Variants in VIT observed in about 807,000 individuals in gnomAD.
The protein encoded by VIT is vitrin.
A neutral mutation model predicts 78.0 loss-of-function variants in VIT; 99 were observed. The observed-to-expected ratio is 1.27, with a 90% CI of 1.08 to 1.50. The LOEUF (loss-of-function observed/expected upper bound fraction) is 1.50. Ranked by LOEUF, VIT falls within the 40% of genes most tolerant of loss-of-function variation. The probability of loss-of-function intolerance (pLI) is 0.00; values close to 1 mark genes in which losing one functional copy is unlikely to be tolerated. For synonymous variants in VIT, 374 were observed against 334.3 expected, an observed-to-expected ratio of 1.12 and a Z score of -1.29; for missense variants, 1,126 against 875.3, an observed-to-expected ratio of 1.29 and a Z score of -3.61.
chr2:36,805,330 A>AATT, intron 13 of VIT, 108 bp from the exon 14 acceptor site: 9 of 817,108 alleles, frequency 1.1e-5, no homozygotes, highest in Non-Finnish European at 1.4e-5. Context: ...AAAAAAAACT[A>AATT]GGGAGGGAAT....
chr2:36,801,634 C>G (rs559852329), intron 13 of VIT, among the ~76,000 whole-genome samples: 42 of 152,156 alleles, frequency 2.8e-4, no homozygotes, highest in African/African-American at 9.4e-4. Context: ...ATGGTTAAAC[C>G]CTCTTTCTAC....
At chr2:36,799,115 C>T (rs902888992) in intron 12 of VIT, among the ~76,000 whole-genome samples, 2 of 152,158 alleles carry the variant, frequency 1.3e-5, no homozygotes, top group Admixed American at 6.5e-5. Context: ...TGAAGGTGTC[C>T]ACTCTTTCTG....
At chr2:36,799,373 G>A (rs1459359440) in intron 12 of VIT, among the ~76,000 whole-genome samples, 3 of 152,094 alleles carry the variant, frequency 2.0e-5, no homozygotes, top group South Asian at 2.1e-4. Context: ...GCCCACAACC[G>A]CTTCTTCCTG....
intron 12 of VIT, among the ~76,000 whole-genome samples, chr2:36,798,266 C>G (rs1666051878): frequency 6.6e-6 from 1 of 152,160 alleles, no homozygotes; most frequent in African/African-American, 2.4e-5. Context: ...ACAACTAACA[C>G]TACAGAGACC....
rs1396785532 is a variant in VIT, at chr2:36,777,850, C to T, written c.802+2783C>T. Among the ~76,000 whole-genome samples, 3 of 152,204 alleles carry T rather than the reference C, an allele frequency of 2.0e-5. No individual in the cohort carries two copies. The East Asian group carries it at 5.8e-4, about 29-fold the overall frequency. ...AAATGGATAAACGTGCCACCTGTCTCCATTCCCTTTACTGATAAAAATATA... is the reference window on the plus strand; with the variant it reads ...AAATGGATAAACGTGCCACCTGTCTTCATTCCCTTTACTGATAAAAATATA... On this transcript the variant is annotated intron_variant, in intron 9 of 15. Transcript: ENST00000379242.
At chr2:36,736,167 A>C (rs1311471675) in intron 3 of VIT, among the ~76,000 whole-genome samples, 1 of 152,198 alleles carries the variant, frequency 6.6e-6, no homozygotes, top group Non-Finnish European at 1.5e-5. Flanking sequence ...AAACCTACTC[A>C]AGCAGTTTCT....
chr2:36,757,495 GAGA>G (rs1295940244), intron 5 of VIT, among the ~76,000 whole-genome samples: 2 of 152,108 alleles, frequency 1.3e-5, no homozygotes, highest in Non-Finnish European at 2.9e-5. Flanking sequence ...TCAATAAATA[GAGA>G]AGATGTCTCT....
chr2:36,725,591 T>A (rs1666784226), intron 2 of VIT, among the ~76,000 whole-genome samples: 1 of 90,290 alleles, frequency 1.1e-5, no homozygotes, highest in Non-Finnish European at 2.0e-5. Flanking sequence ...GTAGGAATTC[T>A]AGTTGAGGGG....
intron 15 of VIT, among the ~76,000 whole-genome samples, chr2:36,811,309 GTCCC>G (rs1558598656): frequency 6.6e-6 from 1 of 152,200 alleles, no homozygotes; most frequent in Non-Finnish European, 1.5e-5. Context: ...CCAAACATCT[GTCCC>G]CAGTTTGTGC....
chr2:36,782,235 A>G lies in VIT; in HGVS notation c.847+464A>G, dbSNP rs886443074. Among the ~76,000 whole-genome samples the G allele has an allele frequency of 3.9e-5, 6 of 152,346 alleles. No homozygotes were observed. The South Asian group carries it at 1.2e-3, about 32-fold the overall frequency. On this transcript the variant is annotated intron_variant, in intron 10 of 15. Coordinates refer to ENST00000379242, the MANE Select transcript of VIT (RefSeq NM_053276.4). The stretch of plus-strand genomic sequence containing the variant: ...TCATGGGAGGGAAGATTGTACTGGT[A>G]GGGGAAGAAGGAGGTGAAGGAGAGG...
At chr2:36,772,789 A>G (rs998025833) in intron 7 of VIT, among the ~76,000 whole-genome samples, 1 of 152,240 alleles carries the variant, frequency 6.6e-6, no homozygotes, top group Non-Finnish European at 1.5e-5. Flanking sequence ...AAGAGTCAAA[A>G]GCTGATTTTG....
At chr2:36,791,158 T>C in intron 12 of VIT, among the ~76,000 whole-genome samples, 1 of 152,220 alleles carries the variant, frequency 6.6e-6, no homozygotes, top group Non-Finnish European at 1.5e-5. Context: ...GAAAATCAAA[T>C]AGACTTTTCC....
rs1339055516 is a variant in VIT, at chr2:36,805,533, T to C, written c.1258T>C (p.Trp420Arg). The C allele has an allele frequency of 2.5e-6, 4 of 1,614,136 alleles. No homozygotes were observed. The highest frequency in any genetic ancestry group is 3.4e-6 in the Non-Finnish European group (4 of 1,180,016). Residue 420 changes from tryptophan to arginine, a missense_variant, in exon 14 of 16, where the codon TGG becomes CGG. By Grantham distance (101) the Trp-to-Arg change is moderately radical (BLOSUM62 -3). Transcript: ENST00000379242. The part of the protein sequence containing the change: ...PNVVVVMVDG[W>R]PTDKVEEASR... ...TGTGGTGGTGGTGATGGTGGATGGCTGGCCCACGGACAAAGTGGAGGAGGC... is the reference window on the plus strand; with the variant it reads ...TGTGGTGGTGGTGATGGTGGATGGCCGGCCCACGGACAAAGTGGAGGAGGC...
rs191148470 is a variant in VIT at position 36,814,657 on chromosome 2, C to T, written c.*296C>T. 2.0e-5 allele frequency: 6 copies of T among 302,902 alleles called. No homozygotes were observed. The highest frequency in any genetic ancestry group is 9.7e-5 in the Admixed American group (2 of 20,668). The allele number at this position is 302,902 out of a possible 1,614,324, so 18.8% of individuals were successfully genotyped here. ...TGTTCGGAATACAGTGCAGCCCTTA[C>T]GACAGGCTTACGTAGAGCTTTTGTG... On this transcript the variant is annotated 3_prime_UTR_variant, in exon 16 of 16. Transcript: ENST00000379242.
At chr2:36,715,668 C>T (rs1666083564) in intron 1 of VIT, among the ~76,000 whole-genome samples, 1 of 152,166 alleles carries the variant, frequency 6.6e-6, no homozygotes, top group Admixed American at 6.5e-5. Flanking sequence ...CCAAGAGAGA[C>T]TTATTCAATT....
intron 3 of VIT, among the ~76,000 whole-genome samples, chr2:36,736,040 G>C (rs544859926): frequency 1.3e-5 from 2 of 152,098 alleles, no homozygotes; most frequent in African/African-American, 4.8e-5. Flanking sequence ...AGTAATGAGA[G>C]TTTTATCACT....
intron 12 of VIT, among the ~76,000 whole-genome samples, chr2:36,799,362 T>C (rs975968971): frequency 6.6e-6 from 1 of 152,188 alleles, no homozygotes; most frequent in Non-Finnish European, 1.5e-5. Flanking sequence ...CACCTGAAAC[T>C]GCCCACAACC....
chr2:36,796,705 G>A (rs1665928633), intron 12 of VIT, among the ~76,000 whole-genome samples: 7 of 152,046 alleles, frequency 4.6e-5, no homozygotes, highest in Admixed American at 4.6e-4. Context: ...GAGCTCAAAG[G>A]ATCCTCCTGT....
At chr2:36,753,627 C>T (rs1035829591) in intron 4 of VIT, among the ~76,000 whole-genome samples, 3 of 152,170 alleles carry the variant, frequency 2.0e-5, no homozygotes, top group Admixed American at 6.5e-5. Flanking sequence ...TGGGAACTCA[C>T]TGCCCTTTGT....
Sources: allele counts gnomAD v4.1 joint callset (sites outside exome capture counted in the v4.1 genomes callset), GRCh38; gene constraint gnomAD v4.1.1; transcripts MANE v1.5; gene names NCBI Gene and HGNC (gene_info 2026-07-23, HGNC 2026-07-21).